LRFN2: variants seen among roughly 807,000 people sequenced by gnomAD.
The protein encoded by LRFN2 is leucine rich repeat and fibronectin type III domain containing 2, also known as leucine-rich repeat and fibronectin type-III domain-containing protein 2.
In LRFN2, 18 loss-of-function variants were observed where a neutral mutation model predicts 37.3. The observed-to-expected ratio is 0.48, with a 90% confidence interval of 0.33 to 0.72. LRFN2 has a LOEUF of 0.72. Ranked by LOEUF, LRFN2 falls within the 30% of genes least tolerant of loss-of-function variation. The pLI, the probability that LRFN2 is intolerant of heterozygous loss-of-function variation, is 0.02. For synonymous variants in LRFN2, 556 were observed against 466.6 expected (o/e 1.19, Z -2.47); for missense variants, 1,006 against 1,060.7 (o/e 0.95, Z 0.72).
chr6:40,559,956 T>G (rs1337388007), intron 1 of LRFN2, among the ~76,000 whole-genome samples: 1 of 152,176 alleles, frequency 6.6e-6, no homozygotes, highest in African/African-American at 2.4e-5. Context: ...GCCCTCCCCA[T>G]GCCAAGGCGA....
At chr6:40,457,397 C>T (rs1764256497) in intron 1 of LRFN2, among the ~76,000 whole-genome samples, 1 of 151,624 alleles carries the variant, frequency 6.6e-6, no homozygotes, top group African/African-American at 2.4e-5. Context: ...TCTTGTTAGT[C>T]ACATGTATAA....
At chr6:40,494,256 G>A (rs1765168175) in intron 1 of LRFN2, among the ~76,000 whole-genome samples, 1 of 152,118 alleles carries the variant, frequency 6.6e-6, no homozygotes, top group Non-Finnish European at 1.5e-5. Context: ...TCAAATCAGG[G>A]GCATTGGACC....
At chr6:40,442,686 C>T (rs1763867136) in intron 1 of LRFN2, among the ~76,000 whole-genome samples, 1 of 152,196 alleles carries the variant, frequency 6.6e-6, no homozygotes, top group South Asian at 2.1e-4. Context: ...AGAGCTGTAT[C>T]TTCTTTCTGT....
intron 1 of LRFN2, among the ~76,000 whole-genome samples, chr6:40,441,723 C>T (rs1016043571): frequency 2.0e-5 from 3 of 152,138 alleles, no homozygotes; most frequent in African/African-American, 7.2e-5. Context: ...GCCTCCACTC[C>T]AGCCTACAGG....
intron 2 of LRFN2, among the ~76,000 whole-genome samples, chr6:40,430,135 A>AC (rs1374332587): frequency 2.6e-5 from 4 of 152,210 alleles, no homozygotes; most frequent in African/African-American, 9.6e-5. Flanking sequence ...ATATATGTGC[A>AC]CATATGCATG....
At chr6:40,539,126 A>G (rs905637057) in intron 1 of LRFN2, among the ~76,000 whole-genome samples, 1 of 151,768 alleles carries the variant, frequency 6.6e-6, no homozygotes, top group Non-Finnish European at 1.5e-5. Flanking sequence ...TGAGAATAAG[A>G]CCCACCTCCC....
At chr6:40,394,197 T>C (rs1287129561) in intron 2 of LRFN2, among the ~76,000 whole-genome samples, 1 of 152,120 alleles carries the variant, frequency 6.6e-6, no homozygotes, top group African/African-American at 2.4e-5. Flanking sequence ...CTCTGGACCC[T>C]TGTGACCTTG....
intron 1 of LRFN2, among the ~76,000 whole-genome samples, chr6:40,484,731 C>T (rs1004237561): frequency 8.5e-5 from 13 of 152,204 alleles, no homozygotes; most frequent in Admixed American, 6.5e-5. Flanking sequence ...CATGTCCAAG[C>T]TAAGTCCATG....
chr6:40,472,530 C>T lies in LRFN2; in HGVS notation c.-18-39399G>A, dbSNP rs370854842. On this transcript the variant is annotated intron_variant, in intron 1 of 2. Transcript: ENST00000338305. ...CTTCCCGGGCATCCTGCCAAATGAC[C>T]TTGGGGGGCCTGTGGGGTAACCCTC... 2.0e-5 allele frequency among the ~76,000 whole-genome samples: 3 copies of T among 152,166 alleles called. No homozygotes were observed. In the East Asian group the frequency reaches 5.8e-4, roughly 29 times the overall value.
intron 2 of LRFN2, among the ~76,000 whole-genome samples, chr6:40,428,597 T>G (rs1198159928): frequency 6.6e-6 from 1 of 152,250 alleles, no homozygotes; most frequent in African/African-American, 2.4e-5. Context: ...TGAGTCTGGG[T>G]GCTGAAGCCA....
At chr6:40,500,763 A>C (rs1765361066) in intron 1 of LRFN2, among the ~76,000 whole-genome samples, 1 of 152,242 alleles carries the variant, frequency 6.6e-6, no homozygotes, top group Admixed American at 6.5e-5. Flanking sequence ...TATTCACTAC[A>C]TGCCTCTAAG....
intron 2 of LRFN2, among the ~76,000 whole-genome samples, chr6:40,424,567 ATGTTTCAACAGCG>A (rs1455208468): frequency 6.7e-6 from 1 of 149,212 alleles, no homozygotes; most frequent in Non-Finnish European, 1.5e-5. Context: ...TGTAGATGTC[ATGTTTCAACAGCG>A]TGAAAAAAAA....
chr6:40,480,715 C>T (rs189354118), intron 1 of LRFN2, among the ~76,000 whole-genome samples: 92 of 152,212 alleles, frequency 6.0e-4, no homozygotes, highest in African/African-American at 2.2e-3. Context: ...CCCCACATGC[C>T]TCCCCTGGAA....
intron 1 of LRFN2, among the ~76,000 whole-genome samples, chr6:40,551,135 A>C (rs1028221525): frequency 5.9e-5 from 9 of 152,272 alleles, no homozygotes; most frequent in Admixed American, 5.2e-4. Context: ...CACAGAGACT[A>C]GTCCAGAGGA....
chr6:40,585,572 C>G lies in LRFN2; in HGVS notation c.-19+1369G>C, dbSNP rs577405616. Among the ~76,000 whole-genome samples, 18 of 152,280 alleles carry G rather than the reference C, an allele frequency of 1.2e-4. No individual in the cohort carries two copies. In the South Asian group the frequency reaches 3.7e-3, roughly 32 times the overall value. ...TCCTGCCAGAGGGCAGCGACCAGAC[C>G]AGGGCACAACCCCAAGACCTAGTTC... On this transcript the variant is annotated intron_variant, in intron 1 of 2. Transcript: ENST00000338305.
intron 1 of LRFN2, among the ~76,000 whole-genome samples, chr6:40,563,622 T>A (rs1767039840): frequency 6.6e-6 from 1 of 152,192 alleles, no homozygotes; most frequent in Admixed American, 6.5e-5. Context: ...CCAGACATTC[T>A]GCCTTCCCCC....
rs774361999 is a variant in LRFN2 at position 40,392,470 on chromosome 6, G to T, written c.1843C>A (p.Leu615Met). Reference sequence around the variant, plus strand: ...GAAGAGGAGTCACTGGCGCGGGCCAGGCTGGCGGTGAAGTCCAGGAGCTCG... The same window carrying T: ...GAAGAGGAGTCACTGGCGCGGGCCATGCTGGCGGTGAAGTCCAGGAGCTCG... Reference protein sequence around the residue: ...RNELLDFTASLARASDSSSSS... With the variant: ...RNELLDFTASMARASDSSSSS... Residue 615 changes from leucine to methionine, a missense_variant, in exon 3 of 3, where the codon CTG (leucine) becomes ATG (methionine). By Grantham distance (15) the Leu-to-Met change is conservative. Coordinates refer to ENST00000338305, the MANE Select transcript of LRFN2 (RefSeq NM_020737.3). This position sits in a 1 kb window ranked among gnomAD's most constrained non-coding sequence, Gnocchi z 4.7. 1.3e-6 allele frequency: 2 copies of T among 1,569,876 alleles called. No individual in the cohort carries two copies. Among genetic ancestry groups the T allele is most frequent in the South Asian group, 2.3e-5 (2 of 87,066 alleles).
At chr6:40,457,533 G>C (rs1033147848) in intron 1 of LRFN2, among the ~76,000 whole-genome samples, 1 of 151,418 alleles carries the variant, frequency 6.6e-6, no homozygotes, top group African/African-American at 2.4e-5. Context: ...AGCACCTTGA[G>C]AGGCTGAGGC....
At chr6:40,553,603 T>C (rs1174850710) in intron 1 of LRFN2, among the ~76,000 whole-genome samples, 1 of 152,192 alleles carries the variant, frequency 6.6e-6, no homozygotes, top group Non-Finnish European at 1.5e-5. Flanking sequence ...CATCATGTTC[T>C]GAGATCAGAG....
Sources: allele counts gnomAD v4.1 joint callset (sites outside exome capture counted in the v4.1 genomes callset), GRCh38; gene constraint gnomAD v4.1.1; non-coding constraint Gnocchi (gnomAD v3.1); transcripts MANE v1.5; gene names NCBI Gene and HGNC (gene_info 2026-07-23, HGNC 2026-07-21).